KANSL1: variants seen among roughly 807,000 people sequenced by gnomAD.
KANSL1 encodes KAT8 regulatory NSL complex subunit 1.
KANSL1 carries 22 observed loss-of-function variants against 103.6 expected under a neutral mutation model. The observed-to-expected ratio is 0.21, with a 90% CI of 0.15 to 0.30. The LOEUF is 0.30. Ranked by LOEUF, KANSL1 falls within the 10% of genes least tolerant of loss-of-function variation. KANSL1 has a pLI of 1.00. For synonymous variants in KANSL1, 600 were observed against 527.6 expected (o/e 1.14, Z -1.88); for missense variants, 1,337 against 1,399.8 (o/e 0.96, Z 0.72).
At chr17:46,095,082 A>G (rs2042004724) in intron 2 of KANSL1, among the ~76,000 whole-genome samples, 1 of 152,234 alleles carries the variant, frequency 6.6e-6, no homozygotes, top group African/African-American at 2.4e-5. Context: ...GAATTCAGCA[A>G]AAGTGTTCAG....
At chr17:46,118,005 A>G (rs1161570003) in intron 2 of KANSL1, among the ~76,000 whole-genome samples, 1 of 152,248 alleles carries the variant, frequency 6.6e-6, no homozygotes, top group Non-Finnish European at 1.5e-5. Context: ...ATTCTGGAGA[A>G]CATAACATTT....
At chr17:46,213,101 A>G (rs1211870032) in intron 1 of KANSL1, among the ~76,000 whole-genome samples, 1 of 151,566 alleles carries the variant, frequency 6.6e-6, no homozygotes, top group Non-Finnish European at 1.5e-5. Context: ...CTGACAGATA[A>G]ATTACCACCA....
chr17:46,116,358 G>A (rs1014368860), intron 2 of KANSL1, among the ~76,000 whole-genome samples: 2 of 152,012 alleles, frequency 1.3e-5, no homozygotes, highest in African/African-American at 2.4e-5. Context: ...GTGAAACCCC[G>A]TCTCTACTAA....
At position 46,171,321 on chromosome 17, in the gene KANSL1, A is replaced by G. The variant is rs1567762510; in HGVS notation, c.823T>C (p.Phe275Leu). ...GKKSPLSSIL[F>L]SALDSDTRIT... ...CTTGTGTCAGAATCTAAAGCACTGA[A>G]AAGAATGGAAGACAGGGGAGACTTT... Residue 275 changes from phenylalanine to leucine, a missense_variant, in exon 2 of 15, where the codon TTC (phenylalanine) becomes CTC (leucine). By Grantham distance (22) the Phe-to-Leu change is conservative. Coordinates refer to ENST00000432791, the MANE Select transcript of KANSL1 (RefSeq NM_015443.4). 2 of 1,614,148 alleles carry G rather than the reference A, an allele frequency of 1.2e-6. No homozygotes were observed. Among genetic ancestry groups the G allele is most frequent in the Non-Finnish European group, 1.7e-6 (2 of 1,180,036 alleles).
upstream of KANSL1, chr17:46,196,348 C>G (rs1017336866): frequency 1.8e-5 from 8 of 456,242 alleles, no homozygotes; most frequent in African/African-American, 1.4e-4. Flanking sequence ...AACCCATTCT[C>G]TTTGCCAATG....
At chr17:46,183,768 C>A (rs1340509935) in intron 1 of KANSL1, among the ~76,000 whole-genome samples, 2 of 152,092 alleles carry the variant, frequency 1.3e-5, no homozygotes, top group Non-Finnish European at 2.9e-5. Flanking sequence ...CTGGCCAACA[C>A]AGCGAAACCC....
chr17:46,173,748 TTTTC>T (rs1195121622), intron 1 of KANSL1, among the ~76,000 whole-genome samples: 1 of 152,186 alleles, frequency 6.6e-6, no homozygotes, highest in African/African-American at 2.4e-5. Flanking sequence ...TCCACTCAGT[TTTTC>T]TTTTTTTAAG....
At chr17:46,136,500 G>T (rs1466654642) in intron 2 of KANSL1, among the ~76,000 whole-genome samples, 1 of 152,214 alleles carries the variant, frequency 6.6e-6, no homozygotes, top group Non-Finnish European at 1.5e-5. Context: ...TCCAGAAAAA[G>T]TAGAAATTTG....
At chr17:46,054,333 C>T (rs753767630) in intron 6 of KANSL1, among the ~76,000 whole-genome samples, 2 of 152,188 alleles carry the variant, frequency 1.3e-5, no homozygotes, top group Non-Finnish European at 2.9e-5. Context: ...GGATTACAGG[C>T]GTGAGCCATC....
At chr17:46,188,105 C>T (rs1166378327) in intron 1 of KANSL1, among the ~76,000 whole-genome samples, 1 of 152,210 alleles carries the variant, frequency 6.6e-6, no homozygotes, top group Non-Finnish European at 1.5e-5. Flanking sequence ...ATAATAGTTA[C>T]CCCCTGCCAT....
chr17:46,197,392 C>T (rs1188882183), upstream of KANSL1, among the ~76,000 whole-genome samples: 1 of 152,242 alleles, frequency 6.6e-6, no homozygotes, highest in Non-Finnish European at 1.5e-5. Flanking sequence ...CCTGTAATCC[C>T]AGCACTCTGG....
intron 2 of KANSL1, among the ~76,000 whole-genome samples, chr17:46,134,516 T>C (rs2044023171): frequency 6.6e-6 from 1 of 151,950 alleles, no homozygotes. Context: ...AAAATATAAA[T>C]TACGAACTAT....
chr17:46,107,289 T>C (rs1215490450), intron 2 of KANSL1, among the ~76,000 whole-genome samples: 1 of 152,194 alleles, frequency 6.6e-6, no homozygotes, highest in Non-Finnish European at 1.5e-5. Context: ...TTACGGCAAA[T>C]ACTCATTATT....
chr17:46,158,716 T>C (rs1213227108), intron 2 of KANSL1, among the ~76,000 whole-genome samples: 6 of 152,190 alleles, frequency 3.9e-5, no homozygotes, highest in Non-Finnish European at 8.8e-5. Flanking sequence ...CATTTTTGTA[T>C]TTTTAGTAGA....
intron 2 of KANSL1, among the ~76,000 whole-genome samples, chr17:46,111,236 A>C (rs2042788582): frequency 6.6e-6 from 1 of 152,178 alleles, no homozygotes; most frequent in Admixed American, 6.5e-5. Flanking sequence ...TTAAAGATGG[A>C]GTTTCGCTCT....
At chr17:46,107,223 T>C (rs1019192562) in intron 2 of KANSL1, among the ~76,000 whole-genome samples, 3 of 152,112 alleles carry the variant, frequency 2.0e-5, no homozygotes, top group Non-Finnish European at 4.4e-5. Flanking sequence ...GATCAGGAGG[T>C]CTGCTAATAA....
intron 1 of KANSL1, among the ~76,000 whole-genome samples, chr17:46,209,027 A>G (rs970192025): frequency 6.6e-6 from 1 of 151,284 alleles, no homozygotes; most frequent in African/African-American, 2.4e-5. Context: ...ACCAAAAACT[A>G]CAGAAATTAG....
chr17:46,117,577 T>C (rs1191723862), intron 2 of KANSL1, among the ~76,000 whole-genome samples: 1 of 152,082 alleles, frequency 6.6e-6, no homozygotes, highest in African/African-American at 2.4e-5. Context: ...AGTAACCATG[T>C]GCATGCCTCG....
upstream of KANSL1, among the ~76,000 whole-genome samples, chr17:46,195,548 T>C (rs2047577620): frequency 1.3e-5 from 2 of 152,232 alleles, no homozygotes. Flanking sequence ...CAGACATCTT[T>C]CTTATTAGGC....
Sources: allele counts gnomAD v4.1 joint callset (sites outside exome capture counted in the v4.1 genomes callset), GRCh38; gene constraint gnomAD v4.1.1; transcripts MANE v1.5; gene names NCBI Gene and HGNC (gene_info 2026-07-23, HGNC 2026-07-21).